The following FLRT1 variants were observed in gnomAD, a reference collection of about 807,000 sequenced individuals.
The protein encoded by FLRT1 is leucine-rich repeat transmembrane protein FLRT1.
FLRT1 carries 14 observed loss-of-function variants against 30.9 expected under a neutral mutation model. That is an observed-to-expected ratio of 0.45 (90% CI 0.30 to 0.71). FLRT1 has a LOEUF of 0.71. FLRT1 is among the 30% of genes least tolerant of loss of function. The pLI, the probability that FLRT1 is intolerant of heterozygous loss-of-function variation, is 0.08. For missense variants in FLRT1, 737 were observed against 949.2 expected, an observed-to-expected ratio of 0.78 and a Z score of 2.94; for synonymous variants, 368 against 430.4, an observed-to-expected ratio of 0.85 and a Z score of 1.80.
chr11:64,092,184 G>T (rs1399378567), intron 1 of FLRT1, among the ~76,000 whole-genome samples: 1 of 152,186 alleles, frequency 6.6e-6, no homozygotes, highest in Non-Finnish European at 1.5e-5. Context: ...ACAGTCTCAG[G>T]CTCCAAAGAG....
At position 64,075,404 on chromosome 11, in the gene FLRT1, T is replaced by C. The variant is rs919045508; in HGVS notation, c.-1037-27790T>C. On this transcript the variant is annotated intron_variant, in intron 1 of 2. Transcript: ENST00000682287. Reference sequence around the variant, plus strand: ...ACACTTTATACCCATCATTTCTTCATTGCAATCCAATATTGTTTCCATTTT... The same window carrying C: ...ACACTTTATACCCATCATTTCTTCACTGCAATCCAATATTGTTTCCATTTT... Among the ~76,000 whole-genome samples the C allele has an allele frequency of 1.4e-4, 22 of 152,386 alleles. 2 individuals are homozygous for C. The highest frequency in any genetic ancestry group is 3.4e-3 in the Middle Eastern group (1 of 294).
chr11:64,083,846 G>A (rs935944129), intron 1 of FLRT1, among the ~76,000 whole-genome samples: 5 of 152,230 alleles, frequency 3.3e-5, no homozygotes, highest in Admixed American at 6.5e-5. Context: ...TGCCAGGGCC[G>A]GTGAGGGGCG....
chr11:64,073,742 A>G (rs1295728903), intron 1 of FLRT1, among the ~76,000 whole-genome samples: 1 of 152,138 alleles, frequency 6.6e-6, no homozygotes, highest in African/African-American at 2.4e-5. Context: ...TTGGGGAGTA[A>G]AAGCTGGGCC....
chr11:64,110,003 G>A (rs907187896), intron 2 of FLRT1, among the ~76,000 whole-genome samples: 20 of 152,130 alleles, frequency 1.3e-4, no homozygotes, highest in Admixed American at 7.9e-4. Context: ...TGGATGCGTC[G>A]GGGGCATCCA....
rs1443351877 is a variant in FLRT1 at position 64,090,333 on chromosome 11, T to C, written c.-1037-12861T>C. 3.3e-5 allele frequency among the ~76,000 whole-genome samples: 5 copies of C among 152,228 alleles called. No individual in the cohort carries two copies. The highest frequency in any genetic ancestry group is 1.3e-4 in the Admixed American group (2 of 15,286). On this transcript the variant is annotated intron_variant, in intron 1 of 2. Coordinates refer to ENST00000682287, the MANE Select transcript of FLRT1 (RefSeq NM_013280.5). The surrounding 1 kb of genome is among the most constrained non-coding windows in gnomAD (Gnocchi z 4.7). The stretch of plus-strand genomic sequence containing the variant: ...AGTCAGCAGTTATTTATCGTCTCGT[T>C]TCTTAGTGGGTAGGAAAGCCACAAA...
Position 64,039,889 on chromosome 11 carries a change from A to T in FLRT1, c.-1038+3730A>T, listed in dbSNP as rs1166133216. On this transcript the variant is annotated intron_variant, in intron 1 of 2. Transcript: ENST00000682287. Reference sequence around the variant, plus strand: ...GTGGCTAGTGAGGGTGGGGGAGAGGACAGGGAGGAGGATGGGTGGGAGTTT... The same window carrying T: ...GTGGCTAGTGAGGGTGGGGGAGAGGTCAGGGAGGAGGATGGGTGGGAGTTT... 3.3e-5 allele frequency among the ~76,000 whole-genome samples: 5 copies of T among 152,070 alleles called. No individual in the cohort carries two copies. In the East Asian group the frequency reaches 9.7e-4, roughly 29 times the overall value.
At position 64,036,239 on chromosome 11, in the gene FLRT1, G is replaced by C. The variant is rs1275207539; in HGVS notation, c.-1038+80G>C. 1 of 152,222 alleles carries C rather than the reference G, an allele frequency of 6.6e-6. No individual in the cohort carries two copies. The highest frequency in any genetic ancestry group is 1.5e-5 in the Non-Finnish European group (1 of 68,086). 9.4% of individuals were successfully genotyped at this position (152,222 alleles called of 1,614,324 possible). A position where few individuals can be genotyped will look rare whatever the true frequency, so the allele number is the denominator to read the frequency against. On this transcript the variant is annotated intron_variant, in intron 1 of 2. Coordinates refer to ENST00000682287, the MANE Select transcript of FLRT1 (RefSeq NM_013280.5). This position sits in a 1 kb window ranked among gnomAD's most constrained non-coding sequence, Gnocchi z 5.6. Reference sequence around the variant, plus strand: ...CCAGAGCCGACGGGGCGGGGGCCGGGGGCCCGGGGGCACCGAAGCGCCACG... The same window carrying C: ...CCAGAGCCGACGGGGCGGGGGCCGGCGGCCCGGGGGCACCGAAGCGCCACG...
intron 1 of FLRT1, among the ~76,000 whole-genome samples, chr11:64,085,558 C>A (rs989231811): frequency 6.6e-6 from 1 of 152,316 alleles, no homozygotes; most frequent in East Asian, 1.9e-4. Context: ...CTAAGTACGT[C>A]CCCTGCCGCC....
chr11:64,085,180 G>A (rs1337422574), intron 1 of FLRT1, among the ~76,000 whole-genome samples: 9 of 152,166 alleles, frequency 5.9e-5, no homozygotes, highest in African/African-American at 2.2e-4. Flanking sequence ...GGGCAGCTTG[G>A]AGGAGCACGC....
At chr11:64,105,614 A>AC (rs1296912204) in intron 2 of FLRT1, among the ~76,000 whole-genome samples, 5 of 152,144 alleles carry the variant, frequency 3.3e-5, no homozygotes, top group African/African-American at 1.2e-4. Context: ...AAGAGGCGTG[A>AC]CCCCACAGGC....
At chr11:64,097,322 T>G (rs1000516052) in intron 1 of FLRT1, among the ~76,000 whole-genome samples, 1 of 152,054 alleles carries the variant, frequency 6.6e-6, no homozygotes, top group African/African-American at 2.4e-5. Flanking sequence ...AAGGGATGGG[T>G]GAACTCCCAG....
rs1337189437 is a variant in FLRT1 at position 64,036,874 on chromosome 11, C to A, written c.-1038+715C>A. On this transcript the variant is annotated intron_variant, in intron 1 of 2. Transcript: ENST00000682287. The surrounding 1 kb of genome is among the most constrained non-coding windows in gnomAD (Gnocchi z 5.6). ...CGACCCGGCGGCGCACGCCCCTCCTCGCGGGCACTGGAGACCCCGGGGAGG... is the reference window on the plus strand; with the variant it reads ...CGACCCGGCGGCGCACGCCCCTCCTAGCGGGCACTGGAGACCCCGGGGAGG... Among the ~76,000 whole-genome samples the A allele has an allele frequency of 6.6e-6, 1 of 152,168 alleles. No individual in the cohort carries two copies. Among genetic ancestry groups the A allele is most frequent in the Non-Finnish European group, 1.5e-5 (1 of 68,024 alleles).
intron 1 of FLRT1, among the ~76,000 whole-genome samples, chr11:64,062,858 C>T (rs1207516630): frequency 6.6e-6 from 1 of 152,228 alleles, no homozygotes; most frequent in Non-Finnish European, 1.5e-5. Flanking sequence ...CACCTCCACC[C>T]CGGCCCCGCC....
At chr11:64,106,688 T>A (rs565041185) in intron 2 of FLRT1, among the ~76,000 whole-genome samples, 77 of 152,206 alleles carry the variant, frequency 5.1e-4, no homozygotes, top group African/African-American at 1.5e-3. Flanking sequence ...CTCTCCAGGC[T>A]CTCTGCTGTG....
At chr11:64,085,256 G>C (rs2134504146) in intron 1 of FLRT1, among the ~76,000 whole-genome samples, 1 of 152,302 alleles carries the variant, frequency 6.6e-6, no homozygotes, top group African/African-American at 2.4e-5. Context: ...CTGTCCCTGG[G>C]CACCACGGAG....
At chr11:64,102,641 C>T (rs1451087222) in intron 1 of FLRT1, among the ~76,000 whole-genome samples, 1 of 152,194 alleles carries the variant, frequency 6.6e-6, no homozygotes, top group Non-Finnish European at 1.5e-5. Flanking sequence ...CTTCCACCCC[C>T]AGGGAGGGAA....
chr11:64,073,416 C>A (rs751697522), intron 1 of FLRT1, among the ~76,000 whole-genome samples: 2 of 152,266 alleles, frequency 1.3e-5, no homozygotes, highest in Non-Finnish European at 2.9e-5. Context: ...CCACTTGCAA[C>A]TTCTGGCTTC....
chr11:64,063,704 A>C (rs1425807943), intron 1 of FLRT1, among the ~76,000 whole-genome samples: 1 of 152,178 alleles, frequency 6.6e-6, no homozygotes, highest in Admixed American at 6.5e-5. Flanking sequence ...GACACACCTC[A>C]GCGGGTGCTG....
intron 1 of FLRT1, among the ~76,000 whole-genome samples, chr11:64,062,090 G>C (rs1943916760): frequency 1.3e-5 from 2 of 151,706 alleles, no homozygotes; most frequent in Admixed American, 6.6e-5. Context: ...CTGCCTGGGG[G>C]ATGTCTGCTT....
Sources: allele counts gnomAD v4.1 joint callset (sites outside exome capture counted in the v4.1 genomes callset), GRCh38; gene constraint gnomAD v4.1.1; non-coding constraint Gnocchi (gnomAD v3.1); transcripts MANE v1.5; gene names NCBI Gene and HGNC (gene_info 2026-07-23, HGNC 2026-07-21).